PM20D1: variants seen among roughly 807,000 people sequenced by gnomAD.
The protein encoded by PM20D1 is N-fatty-acyl-amino acid synthase/hydrolase PM20D1.
Under a neutral mutation model 53.8 loss-of-function variants are expected in PM20D1, and 53 were observed. That is an observed-to-expected ratio of 0.98 (90% CI 0.79 to 1.24). The LOEUF is 1.24. Among genes scored for constraint, PM20D1 ranks in the 50% most tolerant of loss-of-function variants. The probability of loss-of-function intolerance (pLI) is 0.00; values close to 1 mark genes in which losing one functional copy is unlikely to be tolerated. For synonymous variants in PM20D1, 239 were observed against 241.3 expected (o/e 0.99, Z 0.09); for missense variants, 564 against 616.8 (o/e 0.91, Z 0.91).
intron 1 of PM20D1, among the ~76,000 whole-genome samples, chr1:205,849,563 A>G (rs571820546): frequency 1.3e-5 from 2 of 152,240 alleles, no homozygotes; most frequent in African/African-American, 4.8e-5. Flanking sequence ...CAGGCATGCA[A>G]ACTTTCAAAG....
Position 205,828,584 on chromosome 1 carries a change from G to C in PM20D1, c.*36C>G. The C allele has an allele frequency of 6.2e-7, 1 of 1,612,890 alleles. No homozygotes were observed. The highest frequency in any genetic ancestry group is 8.5e-7 in the Non-Finnish European group (1 of 1,179,550). On this transcript the variant is annotated 3_prime_UTR_variant, in exon 13 of 13. Transcript: ENST00000367136. ...TCCCCCTTGGGTTAGTCCTGTCCCG[G>C]GGTCGGGCATGCCTAACCCAGCAGG...
At position 205,839,842 on chromosome 1, in the gene PM20D1, C is replaced by T. The variant is rs539892067; in HGVS notation, c.1116+410G>A. 7.1e-5 allele frequency among the ~76,000 whole-genome samples: 9 copies of T among 127,264 alleles called. No individual in the cohort carries two copies. In the South Asian group the frequency reaches 8.2e-4, roughly 12 times the overall value. The allele number at this position is 127,264 out of a possible 152,430, so 83.5% of individuals were successfully genotyped here. Reference sequence around the variant, plus strand: ...AGGAGAATCGCTTGAACCCGGGAGGCGGAGGTTGTAGTGAGCCAAGATCGT... The same window carrying T: ...AGGAGAATCGCTTGAACCCGGGAGGTGGAGGTTGTAGTGAGCCAAGATCGT... On this transcript the variant is annotated intron_variant, in intron 10 of 12. Coordinates refer to ENST00000367136, the MANE Select transcript of PM20D1 (RefSeq NM_152491.5).
chr1:205,840,170 A>G (rs1272367655), intron 10 of PM20D1, 82 bp downstream of exon 10: 1 of 1,284,124 alleles, frequency 7.8e-7, no homozygotes, highest in Non-Finnish European at 1.1e-6. Context: ...GACCAGCCCT[A>G]GGACTGTAGT....
In PM20D1 at chr1:205,828,392, A is replaced by T; in HGVS notation, c.*228T>A. 2.0e-6 allele frequency: 1 copy of T among 501,452 alleles called. No homozygotes were observed. 31.1% of individuals were successfully genotyped at this position (501,452 alleles called of 1,614,324 possible). ...CAGATAAGGGACAAGAGGGCAGCAAATGCCAGTGGATCAAGGGATGCAGAT... is the reference window on the plus strand; with the variant it reads ...CAGATAAGGGACAAGAGGGCAGCAATTGCCAGTGGATCAAGGGATGCAGAT... On this transcript the variant is annotated 3_prime_UTR_variant, in exon 13 of 13. Transcript: ENST00000367136.
intron 1 of PM20D1, among the ~76,000 whole-genome samples, 155 bp from the exon 2 acceptor site, chr1:205,848,126 G>A (rs1471301454): frequency 2.6e-5 from 4 of 152,220 alleles, no homozygotes; most frequent in Non-Finnish European, 5.9e-5. Context: ...CCTCTAATTC[G>A]AAGATGAGGG....
At position 205,841,853 on chromosome 1, in the gene PM20D1, G is replaced by C. The variant is rs1004843598; in HGVS notation, c.1002C>G (p.Ile334Met). ...ATATGGTGAGTGCCGTGGTGGTCCT[G>C]ATTATTGCATTGGTTAAGGGATTTC... ...MERNPLTNAI[I>M]RTTTALTIFK... Residue 334 changes from isoleucine to methionine, a missense_variant, in exon 9 of 13, where the codon ATC becomes ATG. Transcript: ENST00000367136. 1.3e-6 allele frequency: 2 copies of C among 1,568,664 alleles called. No homozygotes were observed. The highest frequency in any genetic ancestry group is 2.7e-5 in the African/African-American group (2 of 73,882).
chr1:205,838,567 C>G (rs1026472181), intron 10 of PM20D1, among the ~76,000 whole-genome samples: 6 of 152,196 alleles, frequency 3.9e-5, no homozygotes, highest in African/African-American at 1.4e-4. Context: ...CAACTCTTTT[C>G]TCTCCTAGCT....
intron 9 of PM20D1, 66 bp downstream of exon 9, chr1:205,841,745 A>T: frequency 7.0e-7 from 1 of 1,429,880 alleles, no homozygotes; most frequent in South Asian, 1.2e-5. Flanking sequence ...CAGTAGATAG[A>T]TTCAAGGAAG....
chr1:205,831,373 C>T (rs1656557050), intron 11 of PM20D1, among the ~76,000 whole-genome samples: 1 of 152,044 alleles, frequency 6.6e-6, no homozygotes, highest in Non-Finnish European at 1.5e-5. Flanking sequence ...ACAGTAAGTG[C>T]TCCAGAAGAA....
chr1:205,828,731 G>A lies in PM20D1; in HGVS notation c.1398C>T (p.Val466=), dbSNP rs747956831. Residue 466 remains valine (V), a synonymous_variant, in exon 13 of 13, where the codon GTC becomes GTT. Coordinates refer to ENST00000367136, the MANE Select transcript of PM20D1 (RefSeq NM_152491.5). The part of the protein sequence containing the change: ...QPEDFKRIHG[V]NEKISVQAYE... ...AGGCTTGGACTGAGATTTTCTCGTT[G>A]ACTCCATGGATGCTGAGGAAAGTAA... 7 of 1,613,914 alleles carry A rather than the reference G, an allele frequency of 4.3e-6. No individual in the cohort carries two copies. The highest frequency in any genetic ancestry group is 1.7e-5 in the Admixed American group (1 of 60,006).
At chr1:205,849,647 G>T (rs1657081393) in intron 1 of PM20D1, among the ~76,000 whole-genome samples, 1 of 152,058 alleles carries the variant, frequency 6.6e-6, no homozygotes. Context: ...CGGTGGTCAC[G>T]CCAAGAGGGG....
chr1:205,840,368 C>A, intron 9 of PM20D1, 45 bp from the exon 10 acceptor site: 1 of 1,547,332 alleles, frequency 6.5e-7, no homozygotes, highest in South Asian at 1.1e-5. Context: ...AACCTCAAAT[C>A]TTCTACATCT....
rs557183892 is a variant in PM20D1 at position 205,845,348 on chromosome 1, G to C, written c.466C>G (p.Leu156Val). Reference protein sequence around the residue: ...RDGIIYGRGTLDDKNSVMALL... With the variant: ...RDGIIYGRGTVDDKNSVMALL... The stretch of plus-strand genomic sequence containing the variant: ...ACCATCACAGAGTTCTTGTCGTCCA[G>C]TGTGCCCCGACCATAGATGATGCCA... The change falls in exon 3 of 13, where the codon CTG becomes GTG. Residue 156 changes from leucine (L) to valine (V), a missense_variant. Physicochemically the swap from Leu to Val is conservative, Grantham distance 32. Transcript: ENST00000367136. 5 of 1,614,044 alleles carry C rather than the reference G, an allele frequency of 3.1e-6. No individual in the cohort carries two copies. Among genetic ancestry groups the C allele is most frequent in the Non-Finnish European group, 3.4e-6 (4 of 1,179,882 alleles).
rs1465883670 is a variant in PM20D1, at chr1:205,845,547, T to C, written c.267A>G (p.Thr89=). Residue 89 remains threonine (T), a synonymous_variant, in exon 3 of 13, where the codon ACA becomes ACG. Coordinates refer to ENST00000367136, the MANE Select transcript of PM20D1 (RefSeq NM_152491.5). ...GCTGGATAAAGCTGGTGCTGACCAC[T>C]GTAGGAAAGACTAGAAGCAAAAAGG... ...FGKYIHKVFP[T]VVSTSFIQHE... 2 of 1,613,738 alleles carry C rather than the reference T, an allele frequency of 1.2e-6. No homozygotes were observed. Among genetic ancestry groups the C allele is most frequent in the Non-Finnish European group, 1.7e-6 (2 of 1,179,812 alleles).
chr1:205,850,030 G>A lies in PM20D1; in HGVS notation c.43C>T (p.Leu15=). The A allele has an allele frequency of 6.2e-7, 1 of 1,614,110 alleles. No homozygotes were observed. Among genetic ancestry groups the A allele is most frequent in the East Asian group, 2.2e-5 (1 of 44,868 alleles). ...CVCVLALVAM[L]LLVFPTVSRS... ...GAGACGGTAGGGAAAACTAGGAGCA[G>A]CATAGCCACCAGGGCCAGCACGCAA... The change falls in exon 1 of 13, where the codon CTG becomes TTG. Residue 15 remains leucine, a synonymous_variant. Transcript: ENST00000367136.
intron 10 of PM20D1, among the ~76,000 whole-genome samples, chr1:205,838,203 T>G (rs558934358): frequency 6.6e-6 from 1 of 152,338 alleles, no homozygotes; most frequent in Admixed American, 6.5e-5. Context: ...CCTGGTATAT[T>G]CTGGAATGTA....
At chr1:205,833,723 C>T (rs566824659) in intron 10 of PM20D1, among the ~76,000 whole-genome samples, 1 of 152,306 alleles carries the variant, frequency 6.6e-6, no homozygotes, top group African/African-American at 2.4e-5. Flanking sequence ...CCCTTGCTCT[C>T]CAAAGCTCCA....
intron 9 of PM20D1, among the ~76,000 whole-genome samples, chr1:205,840,612 C>G (rs542342420): frequency 6.6e-6 from 1 of 152,372 alleles, no homozygotes; most frequent in South Asian, 2.1e-4. Context: ...ACCCAGATAT[C>G]TCTGTTTTGG....
chr1:205,832,723 T>C lies in PM20D1; in HGVS notation c.1160A>G (p.Gln387Arg), dbSNP rs772140521. 53 of 1,612,556 alleles carry C rather than the reference T, an allele frequency of 3.3e-5. No individual in the cohort carries two copies. Among genetic ancestry groups the C allele is most frequent in the East Asian group, 8.9e-5 (4 of 44,848 alleles). The part of the protein sequence containing the change: ...TKNIVADNRV[Q>R]FHVLSAFDPL... ...GTCAAAGGCACTCAACACATGGAAC[T>C]GGACTCTGTTATCAGCCACAATGTT... The change falls in exon 11 of 13, where the codon CAG (glutamine) becomes CGG (arginine). Residue 387 changes from glutamine (Q) to arginine (R), a missense_variant. Coordinates refer to ENST00000367136, the MANE Select transcript of PM20D1 (RefSeq NM_152491.5).
Sources: gnomAD v4.1 joint callset for allele counts (sites outside exome capture counted in the v4.1 genomes callset) on GRCh38, gnomAD v4.1.1 for gene constraint, MANE v1.5 for transcripts, NCBI Gene and HGNC (gene_info 2026-07-23, HGNC 2026-07-21) for gene names.